Variants in PALM2AKAP2 observed in about 807,000 individuals in gnomAD.
The protein encoded by PALM2AKAP2 is PALM2 and AKAP2 fusion.
Under a neutral mutation model 71.5 loss-of-function variants are expected in PALM2AKAP2, and 37 were observed. That is an observed-to-expected ratio of 0.52 (90% CI 0.40 to 0.68). PALM2AKAP2 has a LOEUF of 0.68. Among genes scored for constraint, PALM2AKAP2 ranks in the 30% least tolerant of loss-of-function variants. The pLI, the probability that PALM2AKAP2 is intolerant of heterozygous loss-of-function variation, is 0.00. For synonymous variants in PALM2AKAP2, 468 were observed against 478.8 expected, an observed-to-expected ratio of 0.98 and a Z score of 0.29; for missense variants, 1,224 against 1,191.8, an observed-to-expected ratio of 1.03 and a Z score of -0.40.
chr9:110,040,162 A>G (rs1027448545), intron 7 of PALM2AKAP2, among the ~76,000 whole-genome samples: 1 of 152,210 alleles, frequency 6.6e-6, no homozygotes, highest in African/African-American at 2.4e-5. Context: ...ATTGTATTAT[A>G]AGCTATTGTG....
At chr9:109,818,890 A>G (rs1265485039) in intron 1 of PALM2AKAP2, among the ~76,000 whole-genome samples, 1 of 152,202 alleles carries the variant, frequency 6.6e-6, no homozygotes, top group African/African-American at 2.4e-5. Flanking sequence ...GAGAACTCCA[A>G]ATTCAGTATT....
At chr9:109,809,341 G>C (rs185164010) in intron 1 of PALM2AKAP2, among the ~76,000 whole-genome samples, 15 of 152,320 alleles carry the variant, frequency 9.8e-5, no homozygotes, top group Admixed American at 5.9e-4. Flanking sequence ...TCTTGCATCA[G>C]CGTGACCTGG....
rs556331620 is a variant in PALM2AKAP2, at chr9:109,687,182, G to A, written c.5+46316G>A. 2.0e-5 allele frequency among the ~76,000 whole-genome samples: 3 copies of A among 152,190 alleles called. No homozygotes were observed. In the South Asian group the frequency reaches 6.2e-4, roughly 32 times the overall value. Reference sequence around the variant, plus strand: ...ATTCTTAAGAGCTCTAGGATTTGGGGGATAGTCAATGAGCATTAGCCTCAA... The same window carrying A: ...ATTCTTAAGAGCTCTAGGATTTGGGAGATAGTCAATGAGCATTAGCCTCAA... On this transcript the variant is annotated intron_variant, in intron 1 of 6. Coordinates refer to the PALM2AKAP2 transcript ENST00000374531.
chr9:109,960,625 A>G (rs1246467970), intron 6 of PALM2AKAP2, among the ~76,000 whole-genome samples: 1 of 152,236 alleles, frequency 6.6e-6, no homozygotes, highest in South Asian at 2.1e-4. Context: ...AAAAAGAAAA[A>G]AAAGATGTAA....
chr9:109,845,461 G>T (rs1407439728), intron 1 of PALM2AKAP2, among the ~76,000 whole-genome samples: 2 of 152,212 alleles, frequency 1.3e-5, no homozygotes, highest in Admixed American at 6.5e-5. Context: ...TATTACTGTG[G>T]TGCTTCTCAG....
intron 1 of PALM2AKAP2, among the ~76,000 whole-genome samples, chr9:110,053,977 C>T (rs1014990984): frequency 6.6e-6 from 1 of 152,202 alleles, no homozygotes; most frequent in Non-Finnish European, 1.5e-5. Context: ...AGGCCAAATA[C>T]GCAGATATTG....
intron 1 of PALM2AKAP2, among the ~76,000 whole-genome samples, chr9:109,863,689 C>A (rs533130862): frequency 2.6e-5 from 4 of 152,282 alleles, no homozygotes; most frequent in Admixed American, 2.6e-4. Flanking sequence ...CAAGTGAGTT[C>A]CTTAATGGTG....
At chr9:110,138,608 G>T in intron 2 of PALM2AKAP2, 69 bp downstream of exon 8, 1 of 1,470,374 alleles carries the variant, frequency 6.8e-7, no homozygotes, top group Non-Finnish European at 9.0e-7. Flanking sequence ...CAGCTCATGG[G>T]TTTCTATGTG....
intron 7 of PALM2AKAP2, among the ~76,000 whole-genome samples, chr9:110,040,363 C>A (rs1441797484): frequency 6.6e-6 from 1 of 152,126 alleles, no homozygotes; most frequent in African/African-American, 2.4e-5. Flanking sequence ...GTCCCATCAT[C>A]TTCAGTGAAG....
intron 1 of PALM2AKAP2, among the ~76,000 whole-genome samples, chr9:110,091,403 G>GGTGTGT (rs71373965): frequency 3.5e-5 from 5 of 144,848 alleles, no homozygotes; most frequent in Admixed American, 2.1e-4. Context: ...TGGTGGTTGG[G>GGTGTGT]GTGTGTGTGT....
chr9:109,793,437 C>T (rs1195948538), intron 1 of PALM2AKAP2, among the ~76,000 whole-genome samples: 2 of 152,180 alleles, frequency 1.3e-5, no homozygotes, highest in African/African-American at 4.8e-5. Flanking sequence ...GGACAGTGCC[C>T]TGTGGTGGGT....
intron 2 of PALM2AKAP2, 50 bp from the exon 9 acceptor site, chr9:110,156,269 A>G (rs1836453430): frequency 5.4e-6 from 8 of 1,476,312 alleles, no homozygotes; most frequent in Non-Finnish European, 7.2e-6. Flanking sequence ...TTCTAAAAGC[A>G]GTCATGAGCA....
At chr9:109,938,423 T>C (rs1471487866) in intron 6 of PALM2AKAP2, among the ~76,000 whole-genome samples, 1 of 152,150 alleles carries the variant, frequency 6.6e-6, no homozygotes, top group East Asian at 1.9e-4. Context: ...TAAGTGTGAT[T>C]TGTGGTTCCT....
At chr9:109,794,787 G>T (rs897637497) in intron 1 of PALM2AKAP2, among the ~76,000 whole-genome samples, 1 of 152,224 alleles carries the variant, frequency 6.6e-6, no homozygotes, top group African/African-American at 2.4e-5. Context: ...GGACTTTGGT[G>T]CCTTAATAAA....
At position 109,666,332 on chromosome 9, in the gene PALM2AKAP2, A is replaced by G. The variant is rs10521097; in HGVS notation, c.5+25466A>G. On this transcript the variant is annotated intron_variant, in intron 1 of 6. Transcript: ENST00000374531. ...TTCGGCCATCTTGGAAAGCCCTCAC[A>G]AAGTATCTTTTTAAATGCAGTTGGA... Among the ~76,000 whole-genome samples, 1,379 of 152,232 alleles carry G rather than the reference A, an allele frequency of 9.1e-3. 22 individuals carry two copies. Among genetic ancestry groups the G allele is most frequent in the African/African-American group, 0.03 (1,252 of 41,542 alleles).
intron 2 of PALM2AKAP2, among the ~76,000 whole-genome samples, chr9:109,873,592 A>C (rs1587976920): frequency 1.3e-5 from 2 of 152,214 alleles, no homozygotes; most frequent in East Asian, 1.9e-4. Context: ...GTAAAAAGTA[A>C]AATCATGAAA....
At chr9:109,989,730 A>G (rs1242927261) in intron 6 of PALM2AKAP2, among the ~76,000 whole-genome samples, 1 of 152,196 alleles carries the variant, frequency 6.6e-6, no homozygotes, top group African/African-American at 2.4e-5. Flanking sequence ...TCCACCCAGG[A>G]AAACCCTGCC....
chr9:109,815,650 A>G (rs1827833370), intron 1 of PALM2AKAP2, among the ~76,000 whole-genome samples: 2 of 152,202 alleles, frequency 1.3e-5, no homozygotes, highest in African/African-American at 4.8e-5. Flanking sequence ...CATTGAACAT[A>G]CCAACTAGAA....
chr9:109,796,511 A>G (rs1200980661), intron 1 of PALM2AKAP2, among the ~76,000 whole-genome samples: 6 of 152,198 alleles, frequency 3.9e-5, no homozygotes, highest in Admixed American at 2.6e-4. Flanking sequence ...TCCTACTCCT[A>G]ATAAAGTCAT....
Sources: gnomAD v4.1 joint callset for allele counts (sites outside exome capture counted in the v4.1 genomes callset) on GRCh38, gnomAD v4.1.1 for gene constraint, MANE v1.5 for transcripts, NCBI Gene and HGNC (gene_info 2026-07-23, HGNC 2026-07-21) for gene names.